The following NAA40 variants were observed in gnomAD, a reference collection of about 807,000 sequenced individuals.
NAA40 encodes the protein N-alpha-acetyltransferase 40.
NAA40 carries 26 observed loss-of-function variants against 36.6 expected under a neutral mutation model. The ratio of observed to expected loss-of-function variants is 0.71; its 90% confidence interval spans 0.52 to 0.98. The LOEUF (loss-of-function observed/expected upper bound fraction) is 0.98, where lower values mean the gene tolerates loss of function less well. NAA40 is among the 50% of genes least tolerant of loss of function. NAA40 has a pLI of 0.00. For synonymous variants in NAA40, 129 were observed against 108.4 expected (o/e 1.19, Z -1.18); for missense variants, 237 against 306.5 (o/e 0.77, Z 1.69).
intron 3 of NAA40, among the ~76,000 whole-genome samples, chr11:63,947,509 C>T (rs943381725): frequency 6.6e-6 from 1 of 152,142 alleles, no homozygotes; most frequent in African/African-American, 2.4e-5. Flanking sequence ...CATAAATGAG[C>T]AAAGATTGCA....
At chr11:63,941,238 C>A (rs1942104373) in intron 1 of NAA40, among the ~76,000 whole-genome samples, 1 of 152,286 alleles carries the variant, frequency 6.6e-6, no homozygotes, top group Admixed American at 6.5e-5. Context: ...CGTCTCATCA[C>A]CCTCATTCCA....
rs1294974574 is a variant in NAA40, at chr11:63,947,631, A to G, written c.155+628A>G. ...AGTGACGCAATCTCGGCTCACTGCA[A>G]CCTCCGCCTTCTGGGTTCAGCCGAT... is the stretch of plus-strand genomic sequence containing the variant. On this transcript the variant is annotated intron_variant, in intron 3 of 7. Transcript: ENST00000377793. 6.0e-5 allele frequency among the ~76,000 whole-genome samples: 9 copies of G among 149,570 alleles called. No homozygotes were observed. In the East Asian group the frequency reaches 1.0e-3, roughly 17 times the overall value.
intron 1 of NAA40, among the ~76,000 whole-genome samples, chr11:63,945,162 T>A (rs1942167143): frequency 6.6e-6 from 1 of 152,232 alleles, no homozygotes; most frequent in South Asian, 2.1e-4. Flanking sequence ...TGCCTGCAGC[T>A]TCGTCTTGCT....
At chr11:63,941,844 G>A (rs763644447) in intron 1 of NAA40, among the ~76,000 whole-genome samples, 23 of 152,066 alleles carry the variant, frequency 1.5e-4, no homozygotes, top group African/African-American at 3.6e-4. Context: ...ATGAGCCACC[G>A]CGCCCAGCCT....
In NAA40 at chr11:63,952,371, G is replaced by A. The variant is rs199785203; in HGVS notation, c.252-36G>A. ...CAACCAGGGGAGCCTAGTTCCTCTC[G>A]CAGCTTTCCCGTCTGACTGCTCCCA... On this transcript the variant is annotated intron_variant, in intron 4 of 7. Transcript: ENST00000377793. 15 of 1,613,122 alleles carry A rather than the reference G, an allele frequency of 9.3e-6. No homozygotes were observed. The Admixed American group carries it at 1.7e-4, about 18-fold the overall frequency.
In NAA40 at chr11:63,947,406, TCAAAACAAAA is replaced by T. The variant is rs141435308; in HGVS notation, c.155+424_155+433del. 1.2e-3 allele frequency among the ~76,000 whole-genome samples: 186 copies of T among 150,742 alleles called. 1 individual carries two copies. Among genetic ancestry groups the T allele is most frequent in the African/African-American group, 4.0e-3 (163 of 40,940 alleles). ...TGGGTAACAAGAGTGAAACTCCATCTCAAAACAAAACAAAACAAAACAAAACAAAAGCAGA... is the reference window on the plus strand; with the variant it reads ...TGGGTAACAAGAGTGAAACTCCATCTCAAAACAAAACAAAACAAAAGCAGA... On this transcript the variant is annotated intron_variant, in intron 3 of 7. Transcript: ENST00000377793.
At chr11:63,952,866 A>AT in intron 6 of NAA40, 27 bp downstream of exon 6, 1 of 1,590,194 alleles carries the variant, frequency 6.3e-7, no homozygotes, top group Non-Finnish European at 8.6e-7. Flanking sequence ...TAGGAGGCCC[A>AT]TATAGCACTC....
intron 3 of NAA40, among the ~76,000 whole-genome samples, chr11:63,947,660 C>T (rs1942209811): frequency 1.3e-5 from 2 of 151,660 alleles, no homozygotes; most frequent in African/African-American, 2.4e-5. Flanking sequence ...AGCCGATTCT[C>T]CTGCCTCAGC....
Position 63,956,096 on chromosome 11 carries a change from T to G in NAA40, c.*1617T>G, listed in dbSNP as rs898490798. 2 of 152,806 alleles carry G rather than the reference T, an allele frequency of 1.3e-5. No individual in the cohort carries two copies. Among genetic ancestry groups the G allele is most frequent in the Non-Finnish European group, 2.9e-5 (2 of 68,160 alleles). 9.5% of individuals were successfully genotyped at this position (152,806 alleles called of 1,614,324 possible). On this transcript the variant is annotated 3_prime_UTR_variant, in exon 8 of 8. Coordinates refer to ENST00000377793, the MANE Select transcript of NAA40 (RefSeq NM_024771.4). Reference sequence around the variant, plus strand: ...CCCTCACCCAGCCTGGCCCCTCTGCTGAGCACTTTGCGCTGCTCTTGATGG... The same window carrying G: ...CCCTCACCCAGCCTGGCCCCTCTGCGGAGCACTTTGCGCTGCTCTTGATGG...
At position 63,957,173 on chromosome 11, in the gene NAA40, T is replaced by G. The variant is rs2134286195; in HGVS notation, c.*2694T>G. ...TTTTAATTTTTTTTTAAGAGGAAAT[T>G]TGGAAGATAAACTCCTTGATATATA... On this transcript the variant is annotated 3_prime_UTR_variant, in exon 8 of 8. Transcript: ENST00000377793. The G allele has an allele frequency of 6.7e-6, 1 of 148,200 alleles. No individual in the cohort carries two copies. The highest frequency in any genetic ancestry group is 2.5e-5 in the African/African-American group (1 of 40,558). The allele number at this position is 148,200 out of a possible 1,614,324, so 9.2% of individuals were successfully genotyped here.
intron 1 of NAA40, among the ~76,000 whole-genome samples, chr11:63,941,926 A>G (rs772430978): frequency 1.7e-4 from 26 of 152,122 alleles, no homozygotes; most frequent in Middle Eastern, 3.4e-3. Flanking sequence ...TACTTTTTCA[A>G]TGGGAATAGT....
At chr11:63,944,940 G>C (rs11231650) in intron 1 of NAA40, among the ~76,000 whole-genome samples, 5,698 of 150,848 alleles carry the variant, frequency 0.038, 123 homozygotes, top group Middle Eastern at 0.09. Context: ...AGGAGGTTTT[G>C]GATGAGGCCT....
intron 1 of NAA40, among the ~76,000 whole-genome samples, chr11:63,943,560 C>T (rs896416365): frequency 5.3e-5 from 8 of 152,184 alleles, no homozygotes; most frequent in African/African-American, 1.9e-4. Flanking sequence ...TTGAGTCTCC[C>T]CTCTGCCCTT....
intron 6 of NAA40, 134 bp downstream of exon 6, chr11:63,952,973 C>T (rs542866221): frequency 2.9e-6 from 2 of 679,392 alleles, no homozygotes; most frequent in South Asian, 3.6e-5. Context: ...TGTCTTAGAA[C>T]CCTCTCAGTA....
In NAA40 at chr11:63,954,728, C is replaced by T. The variant is rs899458675; in HGVS notation, c.*249C>T. On this transcript the variant is annotated 3_prime_UTR_variant, in exon 8 of 8. Coordinates refer to ENST00000377793, the MANE Select transcript of NAA40 (RefSeq NM_024771.4). The stretch of plus-strand genomic sequence containing the variant: ...GGTGGGGCCGGGCAGTGAAGCTCAT[C>T]CTCCACAGTGGCTGCCTCCTCATTT... 1.1e-5 allele frequency: 4 copies of T among 358,616 alleles called. No homozygotes were observed. Among genetic ancestry groups the T allele is most frequent in the African/African-American group, 6.3e-5 (3 of 47,552 alleles). 22.2% of individuals were successfully genotyped at this position (358,616 alleles called of 1,614,324 possible). A position where few individuals can be genotyped will look rare whatever the true frequency, so the allele number is the denominator to read the frequency against.
At chr11:63,953,285 T>C (rs1451737355) in intron 6 of NAA40, among the ~76,000 whole-genome samples, 2 of 152,132 alleles carry the variant, frequency 1.3e-5, no homozygotes, top group African/African-American at 4.8e-5. Context: ...CCTCAGGTGA[T>C]CTACCTACCT....
At chr11:63,952,616 C>A (rs775583974) in intron 5 of NAA40, 51 bp downstream of exon 5, 2 of 1,607,110 alleles carry the variant, frequency 1.2e-6, no homozygotes, top group Non-Finnish European at 1.7e-6. Flanking sequence ...TGGCGATGTT[C>A]CAGGCACTCC....
rs962292367 is a variant in NAA40 at position 63,946,160 on chromosome 11, C to T, written c.102+225C>T. The T allele has an allele frequency of 1.1e-5, 6 of 560,152 alleles. No homozygotes were observed. In the Admixed American group the frequency reaches 1.5e-4, roughly 14 times the overall value. 34.7% of individuals were successfully genotyped at this position (560,152 alleles called of 1,614,324 possible). A position where few individuals can be genotyped will look rare whatever the true frequency, so the allele number is the denominator to read the frequency against. Reference sequence around the variant, plus strand: ...ACGTGGATTCCAGTGAAGTGGCTGCCTCCCTGTGGATCTTCTTCCTTATGA... The same window carrying T: ...ACGTGGATTCCAGTGAAGTGGCTGCTTCCCTGTGGATCTTCTTCCTTATGA... On this transcript the variant is annotated intron_variant, in intron 2 of 7. Transcript: ENST00000377793.
Position 63,952,486 on chromosome 11 carries a change from G to A in NAA40, c.331G>A (p.Ala111Thr). 9 of 1,614,150 alleles carry A rather than the reference G, an allele frequency of 5.6e-6. No individual in the cohort carries two copies. The highest frequency in any genetic ancestry group is 2.2e-5 in the East Asian group (1 of 44,880). Residue 111 changes from alanine to threonine, a missense_variant, in exon 5 of 8, where the codon GCG becomes ACG. Physicochemically the swap from Ala to Thr is moderately conservative, Grantham distance 58 (BLOSUM62 0). Coordinates refer to ENST00000377793, the MANE Select transcript of NAA40 (RefSeq NM_024771.4). ...MTDDRAWYLI[A>T]WENSSVPVAF... ...AGATGACCGAGCCTGGTACCTCATC[G>A]CGTGGGAAAACAGCTCCGTCCCTGT...
Sources: gnomAD v4.1 joint callset for allele counts (sites outside exome capture counted in the v4.1 genomes callset) on GRCh38, gnomAD v4.1.1 for gene constraint, MANE v1.5 for transcripts, NCBI Gene and HGNC (gene_info 2026-07-23, HGNC 2026-07-21) for gene names.